The following KIFC3 variants were observed in gnomAD, a reference collection of about 807,000 sequenced individuals.
The protein encoded by KIFC3 is kinesin family member C3, also known as kinesin-like protein KIFC3.
Under a neutral mutation model 101.8 loss-of-function variants are expected in KIFC3, and 60 were observed. The observed-to-expected ratio is 0.59, with a 90% CI of 0.48 to 0.73. The LOEUF (loss-of-function observed/expected upper bound fraction) is 0.73. Ranked by LOEUF, KIFC3 falls within the 30% of genes least tolerant of loss-of-function variation. The pLI, the probability that KIFC3 is intolerant of heterozygous loss-of-function variation, is 0.00. For missense variants in KIFC3, 966 were observed against 1,137.1 expected (o/e 0.85, Z 2.16); for synonymous variants, 476 against 482.7 (o/e 0.99, Z 0.18).
intron 16 of KIFC3, 30 bp downstream of exon 16, chr16:57,760,696 G>A (rs2049742641): frequency 6.3e-7 from 1 of 1,586,636 alleles, no homozygotes; most frequent in Admixed American, 1.7e-5. Context: ...ACATGCTAGG[G>A]ACTGGCCCGC....
intron 18 of KIFC3, 56 bp downstream of exon 18, chr16:57,759,672 C>T: frequency 1.5e-6 from 2 of 1,334,474 alleles, no homozygotes; most frequent in Non-Finnish European, 2.1e-6. Flanking sequence ...GTAAGGGCAG[C>T]CTGGTGACTA....
chr16:57,793,867 T>C (rs1179825849), intron 3 of KIFC3, among the ~76,000 whole-genome samples: 1 of 152,174 alleles, frequency 6.6e-6, no homozygotes. Flanking sequence ...AGTGGTTCTA[T>C]ATAGGAAAGA....
exon 1 of KIFC3, chr16:57,862,841 C>T (rs374583590): frequency 9.5e-5 from 121 of 1,273,336 alleles, no homozygotes; most frequent in African/African-American, 3.0e-4. Flanking sequence ...TGCCATTTTC[C>T]GAGCAATACG....
chr16:57,781,824 G>T, intron 3 of KIFC3: 4 of 556,072 alleles, frequency 7.2e-6, no homozygotes, highest in Non-Finnish European at 9.1e-6. Context: ...GTTAAGCCTT[G>T]GTTAGGCAAC....
chr16:57,859,333 C>T (rs1390568198), intron 1 of KIFC3, among the ~76,000 whole-genome samples: 2 of 152,182 alleles, frequency 1.3e-5, no homozygotes, highest in Non-Finnish European at 2.9e-5. Context: ...AAGGAGTTTA[C>T]TAATCTATAT....
Position 57,837,558 on chromosome 16 carries a change from A to AAGG in KIFC3, c.108+25170_108+25171insCCT, listed in dbSNP as rs1476701133. Reference sequence around the variant, plus strand: ...AAGAAAGAGAAAGGAAGGAAGGAAGAAAGAAAGAAAGAAAGAAAGAAAGAG... The same window carrying AAGG: ...AAGAAAGAGAAAGGAAGGAAGGAAGAAGGAAGAAAGAAAGAAAGAAAGAAAGAG... On this transcript the variant is annotated intron_variant, in intron 1 of 2. Transcript: ENST00000563028. Among the ~76,000 whole-genome samples the AAGG allele has an allele frequency of 4.2e-3, 151 of 36,376 alleles. 1 individual carries two copies. Among genetic ancestry groups the AAGG allele is most frequent in the Non-Finnish European group, 0.011 (106 of 9,716 alleles). The allele number at this position is 36,376 out of a possible 152,430, so 23.9% of individuals were successfully genotyped here.
At chr16:57,862,804 G>C (rs1198587403) in exon 1 of KIFC3, 25 of 1,289,524 alleles carry the variant, frequency 1.9e-5, no homozygotes, top group Non-Finnish European at 2.5e-5. Flanking sequence ...CTGTCAGAGT[G>C]TTCTTCCTGA....
At chr16:57,792,823 T>C (rs1229294674) in intron 3 of KIFC3, among the ~76,000 whole-genome samples, 1 of 126,786 alleles carries the variant, frequency 7.9e-6, no homozygotes, top group Non-Finnish European at 1.6e-5. Context: ...AGTGAGATTC[T>C]ACCACTGCAT....
rs1567334883 is a variant in KIFC3 at position 57,840,969 on chromosome 16, C to G, written c.108+21760G>C. On this transcript the variant is annotated intron_variant, in intron 1 of 2. Transcript: ENST00000563028. ...CGGCTTTCTGGCGATCCTCCTCCAC[C>G]AGGCAGCCAGAGGGACCTTGTGAAG... is the stretch of plus-strand genomic sequence containing the variant. Among the ~76,000 whole-genome samples, 3 of 152,136 alleles carry G rather than the reference C, an allele frequency of 2.0e-5. No individual in the cohort carries two copies. In the South Asian group the frequency reaches 6.2e-4, roughly 31 times the overall value.
At chr16:57,772,130 G>A (rs2051320139) in intron 4 of KIFC3, 93 bp downstream of exon 4, 4 of 1,079,458 alleles carry the variant, frequency 3.7e-6, no homozygotes, top group Non-Finnish European at 5.5e-6. Flanking sequence ...GCGGGCTCAG[G>A]AGAGAGAGGG....
At chr16:57,801,961 C>T (rs907873789) in intron 1 of KIFC3, among the ~76,000 whole-genome samples, 2 of 152,234 alleles carry the variant, frequency 1.3e-5, no homozygotes, top group African/African-American at 4.8e-5. Context: ...AAGCGAACTC[C>T]CCAAGGGACG....
chr16:57,812,044 CTCTT>C (rs551626248), intron 1 of KIFC3, among the ~76,000 whole-genome samples: 39 of 148,192 alleles, frequency 2.6e-4, no homozygotes, highest in African/African-American at 9.1e-4. Context: ...CCCCGTCTCT[CTCTT>C]TTTTTTTTTT....
In KIFC3 at chr16:57,758,608, ACCCTCCTCCACACTCCCG is replaced by A; in HGVS notation, c.*308_*325del. ...CCGAGAAAGCCTGGGTGAGAGGCCC[ACCCTCCTCCACACTCCCG>A]CCCTCCTCACGGGGCCCAGTTCGCT... On this transcript the variant is annotated 3_prime_UTR_variant, in exon 20 of 20. Coordinates refer to ENST00000445690, the MANE Select transcript of KIFC3 (RefSeq NM_001130100.2). 2 of 690,540 alleles carry A rather than the reference ACCCTCCTCCACACTCCCG, an allele frequency of 2.9e-6. No homozygotes were observed. Among genetic ancestry groups the A allele is most frequent in the South Asian group, 1.5e-5 (1 of 66,616 alleles). 42.8% of individuals were successfully genotyped at this position (690,540 alleles called of 1,614,324 possible).
upstream of KIFC3, among the ~76,000 whole-genome samples, chr16:57,807,005 G>A (rs922350510): frequency 1.4e-4 from 21 of 152,058 alleles, no homozygotes; most frequent in African/African-American, 4.6e-4. Flanking sequence ...ATCACCTGAG[G>A]TCAGCAGTTC....
intron 1 of KIFC3, among the ~76,000 whole-genome samples, chr16:57,823,804 T>TG (rs1568088575): frequency 7.1e-4 from 106 of 149,498 alleles, no homozygotes; most frequent in South Asian, 6.8e-3. Context: ...TGTGTGTGTG[T>TG]TTTTAGTAGA....
At chr16:57,794,860 T>C in intron 3 of KIFC3, 139 bp downstream of exon 3, 2 of 685,266 alleles carry the variant, frequency 2.9e-6, no homozygotes, top group Non-Finnish European at 4.5e-6. Flanking sequence ...AGAGGGGTCA[T>C]GAGGGGCCCA....
chr16:57,814,254 G>C (rs1439863802), intron 1 of KIFC3, among the ~76,000 whole-genome samples: 1 of 152,098 alleles, frequency 6.6e-6, no homozygotes, highest in Non-Finnish European at 1.5e-5. Context: ...AGGCCCAATG[G>C]AAGCATCACC....
intron 14 of KIFC3, 81 bp downstream of exon 14, chr16:57,761,332 G>A (rs1555597290): frequency 1.3e-6 from 2 of 1,593,946 alleles, no homozygotes; most frequent in East Asian, 2.2e-5. Flanking sequence ...TGCGTGCTTA[G>A]GACACAGCAG....
chr16:57,759,026 G>A, intron 19 of KIFC3, 99 bp downstream of exon 19: 1 of 1,530,830 alleles, frequency 6.5e-7, no homozygotes, highest in Non-Finnish European at 8.8e-7. Context: ...GACAGCAGGG[G>A]CTAGACCCAG....
Sources: gnomAD v4.1 joint callset for allele counts (sites outside exome capture counted in the v4.1 genomes callset) on GRCh38, gnomAD v4.1.1 for gene constraint, MANE v1.5 for transcripts, NCBI Gene and HGNC (gene_info 2026-07-23, HGNC 2026-07-21) for gene names.